ABL2: variants seen among roughly 807,000 people sequenced by gnomAD.
ABL2 encodes the protein tyrosine-protein kinase ABL2.
Under a neutral mutation model 107.7 loss-of-function variants are expected in ABL2, and 49 were observed. The observed-to-expected ratio is 0.45, with a 90% confidence interval of 0.36 to 0.58. The LOEUF is 0.58. Among genes scored for constraint, ABL2 ranks in the 20% least tolerant of loss-of-function variants. The pLI is 0.00. For synonymous variants in ABL2, 549 were observed against 548.6 expected (o/e 1.00, Z -0.01); for missense variants, 1,245 against 1,457.0 (o/e 0.85, Z 2.37).
chr1:179,198,894 T>A (rs1293865349), intron 1 of ABL2, among the ~76,000 whole-genome samples: 2 of 148,446 alleles, frequency 1.3e-5, no homozygotes, highest in Non-Finnish European at 3.0e-5. Flanking sequence ...CAGGCTGGAG[T>A]GCAGTGGCAC....
intron 3 of ABL2, among the ~76,000 whole-genome samples, chr1:179,130,321 C>A (rs193096376): frequency 6.6e-5 from 10 of 152,362 alleles, no homozygotes; most frequent in Non-Finnish European, 1.5e-5. Flanking sequence ...GCGAACTTGA[C>A]TGCCTATCTG....
At chr1:179,210,338 T>A (rs1662195779) in intron 1 of ABL2, among the ~76,000 whole-genome samples, 1 of 151,272 alleles carries the variant, frequency 6.6e-6, no homozygotes, top group African/African-American at 2.4e-5. Context: ...AAACCCCACC[T>A]CTACCAAAAA....
intron 1 of ABL2, among the ~76,000 whole-genome samples, chr1:179,162,929 A>G (rs1659157442): frequency 6.6e-6 from 1 of 152,208 alleles, no homozygotes; most frequent in Non-Finnish European, 1.5e-5. Flanking sequence ...CTTTTTAATA[A>G]GAAAAAAATA....
chr1:179,221,695 C>A, intron 1 of ABL2: 1 of 227,904 alleles, frequency 4.4e-6, no homozygotes, highest in South Asian at 1.0e-4. Flanking sequence ...TTCATCAATA[C>A]TGGCAATTTA....
chr1:179,222,962 T>C (rs886390662), intron 1 of ABL2, among the ~76,000 whole-genome samples: 1 of 151,410 alleles, frequency 6.6e-6, no homozygotes, highest in African/African-American at 2.4e-5. Context: ...ATACAAAAAT[T>C]AGCCAGGTGT....
intron 3 of ABL2, among the ~76,000 whole-genome samples, chr1:179,131,049 T>C (rs1045056042): frequency 6.6e-6 from 1 of 151,916 alleles, no homozygotes; most frequent in South Asian, 2.1e-4. Flanking sequence ...CAAGTGATTC[T>C]CATGCCTCAG....
In ABL2 at chr1:179,103,686, G is replaced by A. The variant is rs1040293664; in HGVS notation, c.*4032C>T. On this transcript the variant is annotated 3_prime_UTR_variant, in exon 12 of 12. Coordinates refer to ENST00000502732, the MANE Select transcript of ABL2 (RefSeq NM_007314.4). The stretch of plus-strand genomic sequence containing the variant: ...AAGCCCCTTAAGGTCAAAGTGTCAG[G>A]AGCATGTGCTTTAGAAAGTGTGCAG... The A allele has an allele frequency of 4.9e-5, 11 of 226,128 alleles. No homozygotes were observed. Among genetic ancestry groups the A allele is most frequent in the African/African-American group, 2.2e-4 (10 of 44,906 alleles). The allele number at this position is 226,128 out of a possible 1,614,324, so 14.0% of individuals were successfully genotyped here.
intron 2 of ABL2, 63 bp downstream of exon 2, chr1:179,133,249 C>G (rs373298928): frequency 1.1e-5 from 17 of 1,604,124 alleles, no homozygotes; most frequent in African/African-American, 1.3e-5. Flanking sequence ...AAATCCATTC[C>G]CTGTTCTCCA....
Position 179,109,189 on chromosome 1 carries a change from GC to G in ABL2, c.2077del (p.Ala693LeufsTer64), listed in dbSNP as rs1653795335. ...YELTGNFSSV[A>X]SLQHADGFSF... ...GAACCCATCAGCATGCTGTAGAGAA[GC>G]AACAGATGAGAAGTTACCCGTGAGT... On this transcript the variant is annotated frameshift_variant, in exon 12 of 12. Transcript: ENST00000502732. LOFTEE classifies it high-confidence loss of function. 1.2e-6 allele frequency: 2 copies of G among 1,613,926 alleles called. No homozygotes were observed.
In ABL2 at chr1:179,108,243, G is replaced by A. The variant is rs1653648084; in HGVS notation, c.3024C>T (p.Ala1008=). 1 of 1,614,166 alleles carries A rather than the reference G, an allele frequency of 6.2e-7. No individual in the cohort carries two copies. Among genetic ancestry groups the A allele is most frequent in the African/African-American group, 1.3e-5 (1 of 75,030 alleles). ...ICSDPTEEPT[A]LTAGQSTSET... is the part of the protein sequence containing the mutation. The stretch of plus-strand genomic sequence containing the variant: ...CTGATGTGGACTGTCCTGCAGTTAG[G>A]GCAGTTGGCTCTTCTGTAGGGTCTG... The change falls in exon 12 of 12, where the codon GCC becomes GCT. Residue 1008 remains alanine (A), a synonymous_variant. Transcript: ENST00000502732.
Position 179,229,318 on chromosome 1 carries a change from G to A in ABL2, c.80C>T (p.Ala27Val), listed in dbSNP as rs2124888937. ...PQPRGIRGSS[A>V]ARPSGRRRDP... is the part of the protein sequence containing the mutation. ...CCGCCTGCGGCCGGAGGGCCTGGCT[G>A]CACTGCTGCCCCGGATCCCGCGGGG... The change falls in exon 1 of 12, where the codon GCA (alanine) becomes GTA (valine). Residue 27 changes from alanine to valine, a missense_variant. Ala to Val is a moderately conservative substitution (Grantham distance 64). Coordinates refer to ENST00000502732, the MANE Select transcript of ABL2 (RefSeq NM_007314.4). 1.3e-6 allele frequency: 2 copies of A among 1,585,572 alleles called. No individual in the cohort carries two copies. Among genetic ancestry groups the A allele is most frequent in the Non-Finnish European group, 1.7e-6 (2 of 1,168,496 alleles).
intron 1 of ABL2, among the ~76,000 whole-genome samples, chr1:179,178,580 G>C (rs1660190932): frequency 2.0e-5 from 3 of 151,820 alleles, no homozygotes; most frequent in Non-Finnish European, 1.5e-5. Context: ...AAAGTATCAA[G>C]ATCTGGACTT....
At chr1:179,145,517 G>T (rs1657922709) in intron 1 of ABL2, among the ~76,000 whole-genome samples, 1 of 152,152 alleles carries the variant, frequency 6.6e-6, no homozygotes, top group Admixed American at 6.5e-5. Flanking sequence ...AAAGAATTAA[G>T]AAGATAAGAG....
In ABL2 at chr1:179,229,632, ACGC is replaced by A. The variant is rs3046363; in HGVS notation, c.-238_-236del. 62,428 of 448,538 alleles carry A rather than the reference ACGC, an allele frequency of 0.14. 4,597 individuals are homozygous for A. The highest frequency in any genetic ancestry group is 0.18 in the East Asian group (4,408 of 24,634). 27.8% of individuals were successfully genotyped at this position (448,538 alleles called of 1,614,324 possible). A position where few individuals can be genotyped will look rare whatever the true frequency, so the allele number is the denominator to read the frequency against. The stretch of plus-strand genomic sequence containing the variant: ...CTCCTGTCGCGGCTCCGCGCCCCCA[ACGC>A]CGCCGCCGCCGCCGCCGCCACCGCC... On this transcript the variant is annotated 5_prime_UTR_variant, in exon 1 of 12. Transcript: ENST00000502732.
chr1:179,139,809 T>C (rs1438918257), intron 1 of ABL2, among the ~76,000 whole-genome samples: 3 of 152,272 alleles, frequency 2.0e-5, no homozygotes, highest in Non-Finnish European at 2.9e-5. Context: ...AGCTGAAACC[T>C]ACTGTGAACT....
In ABL2 at chr1:179,119,609, G is replaced by T. The variant is rs10913697; in HGVS notation, c.1045+581C>A. Among the ~76,000 whole-genome samples, 349 of 150,810 alleles carry T rather than the reference G, an allele frequency of 2.3e-3. 4 individuals are homozygous for T. Among genetic ancestry groups the T allele is most frequent in the African/African-American group, 8.2e-3 (338 of 41,168 alleles). On this transcript the variant is annotated intron_variant, in intron 6 of 11. Transcript: ENST00000502732. ...TTAAAAAAGGAAAAAGGCTTAGTAA[G>T]AGAGTTCTTTGTGACCTGAACAGTG...
chr1:179,204,653 AT>A (rs1422853086), intron 1 of ABL2, among the ~76,000 whole-genome samples: 1 of 152,086 alleles, frequency 6.6e-6, no homozygotes, highest in Non-Finnish European at 1.5e-5. Context: ...AGGCTGAGGC[AT>A]GAGAATCGCT....
intron 1 of ABL2, among the ~76,000 whole-genome samples, chr1:179,134,441 C>T (rs1038205891): frequency 1.3e-5 from 2 of 152,128 alleles, no homozygotes; most frequent in Non-Finnish European, 2.9e-5. Flanking sequence ...TGCGTGGAGG[C>T]TGCGTGGAGC....
At chr1:179,141,643 C>G (rs1360817349) in intron 1 of ABL2, among the ~76,000 whole-genome samples, 1 of 152,176 alleles carries the variant, frequency 6.6e-6, no homozygotes, top group South Asian at 2.1e-4. Context: ...CCCTTCTTCC[C>G]GTCTCTGGTT....
Sources: gnomAD v4.1 joint callset for allele counts (sites outside exome capture counted in the v4.1 genomes callset) on GRCh38, gnomAD v4.1.1 for gene constraint, MANE v1.5 for transcripts, NCBI Gene and HGNC (gene_info 2026-07-23, HGNC 2026-07-21) for gene names.